Variants in ZNF83 observed in about 807,000 individuals in gnomAD.
ZNF83 encodes zinc finger protein 816B.
For missense variants in ZNF83, 552 were observed against 629.9 expected (o/e 0.88, Z 1.32); for synonymous variants, 209 against 213.0 (o/e 0.98, Z 0.17).
At chr19:52,620,254 C>CTCTG (rs55700493) in intron 2 of ZNF83, among the ~76,000 whole-genome samples, 2,209 of 133,620 alleles carry the variant, frequency 0.017, 45 homozygotes, top group East Asian at 0.092. Context: ...GTGTGTATAT[C>CTCTG]TGTGTGTGTA....
chr19:52,662,439 C>T (rs1485295523), intron 1 of ZNF83, among the ~76,000 whole-genome samples: 1 of 151,942 alleles, frequency 6.6e-6, no homozygotes, highest in Non-Finnish European at 1.5e-5. Context: ...AACATGGAGT[C>T]GTGTAGGTGG....
intron 3 of ZNF83, chr19:52,653,087 C>A: frequency 6.9e-7 from 1 of 1,448,626 alleles, no homozygotes; most frequent in Admixed American, 1.8e-5. Context: ...GTATGAATTG[C>A]CTTATGAATT....
intron 2 of ZNF83, among the ~76,000 whole-genome samples, chr19:52,630,630 G>A (rs1013586828): frequency 2.2e-4 from 34 of 151,688 alleles, no homozygotes; most frequent in Non-Finnish European, 3.7e-4. Context: ...AGCTTCCTTC[G>A]CATCCTCCTC....
rs888355621 is a variant in ZNF83 at position 52,660,113 on chromosome 19, T to G, written c.-201+649A>C. Among the ~76,000 whole-genome samples, 27 of 151,818 alleles carry G rather than the reference T, an allele frequency of 1.8e-4. 2 individuals are homozygous for G. The highest frequency in any genetic ancestry group is 1.1e-3 in the Admixed American group (16 of 15,232). ...GGCTGAGGCAGGAGAATTGCGGTGG[T>G]AAGACCATGGTGGTAAGAATCATGG... On this transcript the variant is annotated intron_variant, in intron 2 of 5. Coordinates refer to the ZNF83 transcript ENST00000594682.
chr19:52,641,615 T>C (rs1353660287), upstream of ZNF83, among the ~76,000 whole-genome samples: 1 of 152,166 alleles, frequency 6.6e-6, no homozygotes, highest in Non-Finnish European at 1.5e-5. Flanking sequence ...AGTTTCTCTC[T>C]TGTTGCCCAG....
At chr19:52,639,101 G>C (rs2061248757), upstream of ZNF83, among the ~76,000 whole-genome samples, 1 of 152,096 alleles carries the variant, frequency 6.6e-6, no homozygotes, top group African/African-American at 2.4e-5. Context: ...AGATCTATCA[G>C]TTTCTTTTTT....
intron 1 of ZNF83, among the ~76,000 whole-genome samples, chr19:52,687,597 ATGT>A (rs2062058626): frequency 6.7e-5 from 1 of 14,974 alleles, no homozygotes; most frequent in African/African-American, 6.4e-4. Context: ...TATATATATA[ATGT>A]ATATATATAT....
chr19:52,659,997 T>C (rs1682952422), intron 2 of ZNF83, among the ~76,000 whole-genome samples: 1 of 151,798 alleles, frequency 6.6e-6, no homozygotes, highest in South Asian at 2.1e-4. Flanking sequence ...TCGAGACCAG[T>C]CTGGCCAACA....
At chr19:52,635,576 C>G (rs2061118038) in intron 1 of ZNF83, 1 of 152,390 alleles carries the variant, frequency 6.6e-6, no homozygotes, top group African/African-American at 2.4e-5. Context: ...AAAAACATAG[C>G]CAGGCATGAA....
chr19:52,615,089 T>A (rs2060257745), intron 2 of ZNF83, among the ~76,000 whole-genome samples: 1 of 152,118 alleles, frequency 6.6e-6, no homozygotes, highest in Admixed American at 6.5e-5. Context: ...AATTGAGATT[T>A]TTTCCAACAT....
At chr19:52,678,218 C>T (rs1010888903) in intron 1 of ZNF83, among the ~76,000 whole-genome samples, 2 of 151,380 alleles carry the variant, frequency 1.3e-5, no homozygotes, top group African/African-American at 2.4e-5. Flanking sequence ...TTTGGGAGGT[C>T]GAGGCAGGTA....
At chr19:52,676,349 C>T (rs951103591) in intron 1 of ZNF83, among the ~76,000 whole-genome samples, 1 of 152,168 alleles carries the variant, frequency 6.6e-6, no homozygotes, top group African/African-American at 2.4e-5. Flanking sequence ...ACCTCCCAGC[C>T]GCCTGCCTTG....
chr19:52,618,160 C>T (rs543291523), intron 2 of ZNF83: 3 of 152,204 alleles, frequency 2.0e-5, no homozygotes, highest in Admixed American at 2.0e-4. Flanking sequence ...CATGCATTCT[C>T]GGCTCACTGC....
intron 3 of ZNF83, among the ~76,000 whole-genome samples, chr19:52,648,022 T>TCC (rs2061395815): frequency 1.3e-5 from 2 of 152,022 alleles, no homozygotes; most frequent in South Asian, 4.2e-4. Context: ...TGCAAATCCC[T>TCC]CCTCCTCTCC....
At chr19:52,618,749 T>A in intron 2 of ZNF83, 1 of 1,118,578 alleles carries the variant, frequency 8.9e-7, no homozygotes, top group Non-Finnish European at 1.2e-6. Context: ...TGAGCTATCA[T>A]GAAGAACGCA....
At chr19:52,653,594 G>A (rs947499868) in intron 3 of ZNF83, among the ~76,000 whole-genome samples, 3 of 151,902 alleles carry the variant, frequency 2.0e-5, no homozygotes, top group Non-Finnish European at 2.9e-5. Flanking sequence ...TGACGTCTAC[G>A]ATGCCCTACA....
At chr19:52,649,788 C>CA (rs567955557) in intron 3 of ZNF83, among the ~76,000 whole-genome samples, 11 of 151,614 alleles carry the variant, frequency 7.3e-5, no homozygotes, top group East Asian at 3.9e-4. Context: ...CAAGCCATTG[C>CA]AAAAAAAGTT....
exon 3 of ZNF83, chr19:52,614,761 G>C (rs1453523198): frequency 8.6e-6 from 11 of 1,286,548 alleles, no homozygotes; most frequent in Middle Eastern, 3.0e-4. Flanking sequence ...CTCCTTTTTT[G>C]GTGGTAATTC....
chr19:52,640,306 A>C (rs2061283955), upstream of ZNF83, among the ~76,000 whole-genome samples: 1 of 152,244 alleles, frequency 6.6e-6, no homozygotes, highest in African/African-American at 2.4e-5. Flanking sequence ...TCGGCGTTCC[A>C]AAGTAGAGAC....
Sources: gnomAD v4.1 joint callset for allele counts (sites outside exome capture counted in the v4.1 genomes callset) on GRCh38, gnomAD v4.1.1 for gene constraint, MANE v1.5 for transcripts, NCBI Gene and HGNC (gene_info 2026-07-23, HGNC 2026-07-21) for gene names.